The following DEPDC7 variants were observed in gnomAD, a reference collection of about 807,000 sequenced individuals.
DEPDC7 encodes DEP domain-containing protein 7.
DEPDC7 carries 41 observed loss-of-function variants against 56.6 expected under a neutral mutation model. That is an observed-to-expected ratio of 0.72 (90% CI 0.56 to 0.94). DEPDC7 has a LOEUF of 0.94. Among genes scored for constraint, DEPDC7 ranks in the 40% least tolerant of loss-of-function variants. The pLI, the probability that DEPDC7 is intolerant of heterozygous loss-of-function variation, is 0.00. For missense variants in DEPDC7, 522 were observed against 596.3 expected (o/e 0.88, Z 1.30); for synonymous variants, 185 against 208.8 (o/e 0.89, Z 0.98).
rs534676629 is a variant in DEPDC7, at chr11:33,020,693, A to G, written c.73+4665A>G. Among the ~76,000 whole-genome samples the G allele has an allele frequency of 3.9e-5, 6 of 152,304 alleles. No individual in the cohort carries two copies. In the East Asian group the frequency reaches 1.2e-3, roughly 29 times the overall value. On this transcript the variant is annotated intron_variant, in intron 1 of 8. Coordinates refer to ENST00000241051, the MANE Select transcript of DEPDC7 (RefSeq NM_001077242.2). Reference sequence around the variant, plus strand: ...CACTCTGTCACCCAGGCTGGAGTGCAGTGGTGCGATCCTAGCCCACTGTAA... The same window carrying G: ...CACTCTGTCACCCAGGCTGGAGTGCGGTGGTGCGATCCTAGCCCACTGTAA...
Position 33,030,031 on chromosome 11 carries a change from C to T in DEPDC7, c.782+1239C>T, listed in dbSNP as rs184195294. On this transcript the variant is annotated intron_variant, in intron 4 of 8. Transcript: ENST00000241051. ...CTGGAGTGCAGTGGCATGATCTCAG[C>T]TCCCTGCAGCCTCCGCCTCCCGGGT... Among the ~76,000 whole-genome samples, 1,327 of 152,214 alleles carry T rather than the reference C, an allele frequency of 8.7e-3. 5 individuals are homozygous for T. Among genetic ancestry groups the T allele is most frequent in the Non-Finnish European group, 0.013 (880 of 67,992 alleles).
rs769019962 is a variant in DEPDC7 at position 33,027,770 on chromosome 11, C to CA, written c.551dup (p.Asn184LysfsTer17). 1.9e-6 allele frequency: 3 copies of CA among 1,576,180 alleles called. No homozygotes were observed. The highest frequency in any genetic ancestry group is 3.8e-5 in the Admixed American group (2 of 52,118). On this transcript the variant is annotated frameshift_variant, in exon 3 of 9. Transcript: ENST00000241051. LOFTEE classifies it high-confidence loss of function. Reference sequence around the variant, plus strand: ...GGGAAAATCTGAGTTTAAAGCCTGCCAACTCCCCTCATGTAAATATCTCTG... The same window carrying CA: ...GGGAAAATCTGAGTTTAAAGCCTGCCAAACTCCCCTCATGTAAATATCTCTG...
intron 6 of DEPDC7, 89 bp downstream of exon 6, chr11:33,032,567 A>G (rs1024255325): frequency 2.9e-6 from 4 of 1,379,836 alleles, no homozygotes; most frequent in Non-Finnish European, 2.9e-6. Flanking sequence ...AGCATCAAGT[A>G]TGCTGAAATG....
At chr11:33,032,529 AGGT>A (rs1564966522) in intron 6 of DEPDC7, 51 bp downstream of exon 6, 1 of 1,440,612 alleles carries the variant, frequency 6.9e-7, no homozygotes. Context: ...TAATACTTAC[AGGT>A]TAAGTATTAG....
At position 33,020,978 on chromosome 11, in the gene DEPDC7, G is replaced by C. The variant is rs117273957; in HGVS notation, c.74-4681G>C. Among the ~76,000 whole-genome samples, 1,217 of 152,286 alleles carry C rather than the reference G, an allele frequency of 8.0e-3. 78 individuals are homozygous for C. The East Asian group carries it at 0.19, about 24-fold the overall frequency. On this transcript the variant is annotated intron_variant, in intron 1 of 8. Coordinates refer to ENST00000241051, the MANE Select transcript of DEPDC7 (RefSeq NM_001077242.2). ...AAAATGCTTGACCAGGCTGGGTGTGGTGGCTCACACCTGTAATCCCAGCAC... is the reference window on the plus strand; with the variant it reads ...AAAATGCTTGACCAGGCTGGGTGTGCTGGCTCACACCTGTAATCCCAGCAC...
intron 2 of DEPDC7, 32 bp downstream of exon 2, chr11:33,026,081 T>C (rs1363952034): frequency 3.7e-6 from 6 of 1,611,306 alleles, no homozygotes; most frequent in African/African-American, 2.7e-5. Context: ...ATCACGGGAA[T>C]ATTGGCAGGA....
At chr11:33,024,802 CTGTGTGTGTGTG>C (rs35371602) in intron 1 of DEPDC7, among the ~76,000 whole-genome samples, 2,817 of 146,494 alleles carry the variant, frequency 0.019, 92 homozygotes, top group African/African-American at 0.067. Flanking sequence ...ATGCATGACT[CTGTGTGTGTGTG>C]TGTGTGTGTG....
In DEPDC7 at chr11:33,026,407, A is replaced by G. The variant is rs1853578654; in HGVS notation, c.464+358A>G. The G allele has an allele frequency of 1.3e-5, 4 of 302,688 alleles. No homozygotes were observed. The South Asian group carries it at 1.4e-4, about 11-fold the overall frequency. The allele number at this position is 302,688 out of a possible 1,614,324, so 18.8% of individuals were successfully genotyped here. A position where few individuals can be genotyped will look rare whatever the true frequency, so the allele number is the denominator to read the frequency against. ...AATTATTTAAAGGGAAACTGGGGAGACAGAATTGTGGAATCCAGTGATTGA... is the reference window on the plus strand; with the variant it reads ...AATTATTTAAAGGGAAACTGGGGAGGCAGAATTGTGGAATCCAGTGATTGA... On this transcript the variant is annotated intron_variant, in intron 2 of 8. Coordinates refer to ENST00000241051, the MANE Select transcript of DEPDC7 (RefSeq NM_001077242.2).
chr11:33,028,530 T>C, intron 3 of DEPDC7, 73 bp from the exon 4 acceptor site: 1 of 1,296,700 alleles, frequency 7.7e-7, no homozygotes, highest in East Asian at 2.5e-5. Flanking sequence ...TTAGACCTGC[T>C]TAGAAAAATA....
At chr11:33,021,257 A>T (rs547967164) in intron 1 of DEPDC7, among the ~76,000 whole-genome samples, 1 of 151,976 alleles carries the variant, frequency 6.6e-6, no homozygotes, top group Non-Finnish European at 1.5e-5. Flanking sequence ...CTCAAAAAAA[A>T]AAAAAGAAAA....
At chr11:33,021,423 G>C (rs906081389) in intron 1 of DEPDC7, among the ~76,000 whole-genome samples, 31 of 151,986 alleles carry the variant, frequency 2.0e-4, no homozygotes, top group African/African-American at 7.0e-4. Context: ...GTCTATTTTT[G>C]GTCTCTTAAA....
At position 33,027,696 on chromosome 11, in the gene DEPDC7, G is replaced by A. The variant is rs766565476; in HGVS notation, c.475G>A (p.Ala159Thr). Reference sequence around the variant, plus strand: ...ATAAATTCATTTTAGGTATGCAGATGCATTATTTAAGTCATCCGATATCAG... The same window carrying A: ...ATAAATTCATTTTAGGTATGCAGATACATTATTTAAGTCATCCGATATCAG... ...KLYSPARYAD[A>T]LFKSSDIRSA... Residue 159 changes from alanine to threonine, a missense_variant, in exon 3 of 9, where the codon GCA becomes ACA. Transcript: ENST00000241051. 1 of 1,522,872 alleles carries A rather than the reference G, an allele frequency of 6.6e-7. No individual in the cohort carries two copies. The allele number at this position is 1,522,872 out of a possible 1,614,324, so 94.3% of individuals were successfully genotyped here. A position where few individuals can be genotyped will look rare whatever the true frequency, so the allele number is the denominator to read the frequency against.
At chr11:33,027,606 T>A in intron 2 of DEPDC7, 80 bp from the exon 3 acceptor site, 1 of 1,315,574 alleles carries the variant, frequency 7.6e-7, no homozygotes, top group Non-Finnish European at 9.9e-7. Context: ...CATAACTCTG[T>A]AGAAAACTCT....
intron 2 of DEPDC7, among the ~76,000 whole-genome samples, chr11:33,026,888 A>G (rs1460378825): frequency 2.0e-5 from 3 of 151,978 alleles, no homozygotes; most frequent in Admixed American, 6.6e-5. Context: ...TTGTGCTCCT[A>G]AAGTGTTGGA....
chr11:33,016,106 C>A, intron 1 of DEPDC7, 78 bp downstream of exon 1: 2 of 1,257,546 alleles, frequency 1.6e-6, no homozygotes, highest in South Asian at 3.3e-5. Flanking sequence ...GCGGGGCGGG[C>A]GGCGTGGGGC....
intron 1 of DEPDC7, 120 bp downstream of exon 1, chr11:33,016,148 T>A: frequency 8.1e-7 from 1 of 1,235,586 alleles, no homozygotes; most frequent in South Asian, 3.7e-5. Flanking sequence ...AACGGCCGGC[T>A]GGGCGAGCAC....
In DEPDC7 at chr11:33,015,955, C is replaced by A. The variant is rs115832789; in HGVS notation, c.-1C>A. ...GAGTTGGCGTCCGGGGAGCAAGGGC[C>A]ATGGCCACCGTGCAGGAGAAGGCTG... On this transcript the variant is annotated 5_prime_UTR_variant, in exon 1 of 9. Transcript: ENST00000241051. 2 of 1,575,326 alleles carry A rather than the reference C, an allele frequency of 1.3e-6. No homozygotes were observed. The highest frequency in any genetic ancestry group is 1.7e-6 in the Non-Finnish European group (2 of 1,161,436).
intron 1 of DEPDC7, among the ~76,000 whole-genome samples, chr11:33,024,286 G>C (rs1458320833): frequency 6.6e-6 from 1 of 152,174 alleles, no homozygotes; most frequent in African/African-American, 2.4e-5. Flanking sequence ...TGCGTACTCT[G>C]TCTTTGCAAT....
At chr11:33,020,151 G>A (rs1853509057) in intron 1 of DEPDC7, among the ~76,000 whole-genome samples, 1 of 152,060 alleles carries the variant, frequency 6.6e-6, no homozygotes, top group Admixed American at 6.5e-5. Flanking sequence ...TATGGTTGAT[G>A]CTGATTATCC....
Sources: allele counts gnomAD v4.1 joint callset (sites outside exome capture counted in the v4.1 genomes callset), GRCh38; gene constraint gnomAD v4.1.1; transcripts MANE v1.5; gene names NCBI Gene and HGNC (gene_info 2026-07-23, HGNC 2026-07-21).